Variants in NFE2 observed in about 807,000 individuals in gnomAD.
The protein encoded by NFE2 is nuclear factor, erythroid 2.
Under a neutral mutation model 25.8 loss-of-function variants are expected in NFE2, and 13 were observed. The observed-to-expected ratio is 0.50, with a 90% CI of 0.33 to 0.80. The LOEUF is 0.80. Among genes scored for constraint, NFE2 ranks in the 30% least tolerant of loss-of-function variants. NFE2 has a pLI of 0.02. For synonymous variants in NFE2, 204 were observed against 200.2 expected (o/e 1.02, Z -0.16); for missense variants, 382 against 478.9 (o/e 0.80, Z 1.89).
rs764750991 is a variant in NFE2 at position 54,293,365 on chromosome 12, C to G, written c.131G>C (p.Ser44Thr). 30 of 1,522,980 alleles carry G rather than the reference C, an allele frequency of 2.0e-5. No homozygotes were observed. Among genetic ancestry groups the G allele is most frequent in the Middle Eastern group, 1.8e-4 (1 of 5,616 alleles). The allele number at this position is 1,522,980 out of a possible 1,614,324, so 94.3% of individuals were successfully genotyped here. A position where few individuals can be genotyped will look rare whatever the true frequency, so the allele number is the denominator to read the frequency against. Residue 44 changes from serine to threonine, a missense_variant, in exon 3 of 3, where the codon AGT becomes ACT. Physicochemically the swap from Ser to Thr is moderately conservative, Grantham distance 58. Coordinates refer to ENST00000435572, the MANE Select transcript of NFE2 (RefSeq NM_001136023.3). ...GGCTTGGGGCTCAAATGATGGCTCA[C>G]TTGGAGCATTCAGACCCTGCAAGGA... ...ITELQGLNAP[S>T]EPSFEPQAPA... is the part of the protein sequence containing the mutation.
Position 54,299,762 on chromosome 12 carries a change from G to A in NFE2, c.-57+1039C>T, listed in dbSNP as rs368702407. Among the ~76,000 whole-genome samples, 7 of 152,202 alleles carry A rather than the reference G, an allele frequency of 4.6e-5. No individual in the cohort carries two copies. The South Asian group carries it at 1.0e-3, about 23-fold the overall frequency. ...TAACGAGGGGGAACGATGAGAGGGG[G>A]CTTGCCTCAGGATCCCTTTTCTGAG... is the stretch of plus-strand genomic sequence containing the variant. On this transcript the variant is annotated intron_variant, in intron 1 of 2. Transcript: ENST00000435572.
intron 1 of NFE2, among the ~76,000 whole-genome samples, chr12:54,297,356 CA>C (rs35611028): frequency 0.049 from 2,429 of 50,032 alleles, 29 homozygotes; most frequent in Middle Eastern, 0.11. Context: ...GACCCTGTCT[CA>C]AAAAAAAAAA....
At position 54,297,178 on chromosome 12, in the gene NFE2, A is replaced by G. The variant is rs570256150; in HGVS notation, c.-56-1874T>C. 3.3e-5 allele frequency among the ~76,000 whole-genome samples: 5 copies of G among 152,002 alleles called. No homozygotes were observed. In the South Asian group the frequency reaches 8.3e-4, roughly 25 times the overall value. The stretch of plus-strand genomic sequence containing the variant: ...GAGATCAGCCTGAGAAACACGGTGA[A>G]AACCCATCTCCACTAAAAATGCAGA... On this transcript the variant is annotated intron_variant, in intron 1 of 2. Coordinates refer to ENST00000435572, the MANE Select transcript of NFE2 (RefSeq NM_001136023.3).
At position 54,297,376 on chromosome 12, in the gene NFE2, A is replaced by C. The variant is rs1006360007; in HGVS notation, c.-56-2072T>G. On this transcript the variant is annotated intron_variant, in intron 1 of 2. Coordinates refer to ENST00000435572, the MANE Select transcript of NFE2 (RefSeq NM_001136023.3). ...TGTCTCAAAAAAAAAAAAAAAAAAA[A>C]AAAACGGCCAGGTGCAGTGGCTCAC... Among the ~76,000 whole-genome samples the C allele has an allele frequency of 2.0e-5, 3 of 150,282 alleles. No individual in the cohort carries two copies. In the East Asian group the frequency reaches 5.9e-4, roughly 29 times the overall value.
At chr12:54,297,589 C>T (rs1260997344) in intron 1 of NFE2, among the ~76,000 whole-genome samples, 1 of 145,612 alleles carries the variant, frequency 6.9e-6, no homozygotes, top group Non-Finnish European at 1.5e-5. Flanking sequence ...TTGCTTGAAC[C>T]CGGGAGGCGG....
intron 1 of NFE2, among the ~76,000 whole-genome samples, chr12:54,298,838 G>A (rs1361451405): frequency 6.6e-6 from 1 of 151,972 alleles, no homozygotes; most frequent in African/African-American, 2.4e-5. Flanking sequence ...ATCACCTGAG[G>A]TCAGGAATTT....
chr12:54,292,759 G>T lies in NFE2; in HGVS notation c.737C>A (p.Pro246Gln), dbSNP rs1187574732. 9.9e-6 allele frequency: 16 copies of T among 1,614,062 alleles called. No homozygotes were observed. Among genetic ancestry groups the T allele is most frequent in the Non-Finnish European group, 1.3e-5 (15 of 1,180,028 alleles). Residue 246 changes from proline to glutamine, a missense_variant, in exon 3 of 3, where the codon CCG (proline) becomes CAG (glutamine). By Grantham distance (76) the Pro-to-Gln change is moderately conservative. Coordinates refer to ENST00000435572, the MANE Select transcript of NFE2 (RefSeq NM_001136023.3). ...PFPTDKIVNL[P>Q]VDDFNELLAR... ...CAATAGCTCATTAAAGTCATCTACCGGCAAGTTGACAATCTTGTCCGTAGG... is the reference window on the plus strand; with the variant it reads ...CAATAGCTCATTAAAGTCATCTACCTGCAAGTTGACAATCTTGTCCGTAGG...
chr12:54,296,104 T>C (rs767037147), intron 1 of NFE2, among the ~76,000 whole-genome samples: 6 of 152,134 alleles, frequency 3.9e-5, no homozygotes, highest in Admixed American at 6.6e-5. Flanking sequence ...TATTGCAAGC[T>C]TAGTTTATAA....
intron 1 of NFE2, among the ~76,000 whole-genome samples, chr12:54,299,735 CT>C (rs1944405677): frequency 6.6e-6 from 1 of 152,074 alleles, no homozygotes; most frequent in Non-Finnish European, 1.5e-5. Context: ...TCTTAACTTC[CT>C]TAACGAGGGG....
At chr12:54,295,008 C>A in intron 2 of NFE2, 127 bp downstream of exon 2, 1 of 714,304 alleles carries the variant, frequency 1.4e-6, no homozygotes, top group Non-Finnish European at 2.4e-6. Context: ...CCCTTCCTTT[C>A]CCAGTGCCTG....
intron 2 of NFE2, 41 bp from the exon 3 acceptor site, chr12:54,293,422 G>A (rs1399512964): frequency 7.1e-7 from 1 of 1,408,364 alleles, no homozygotes; most frequent in South Asian, 1.9e-5. Flanking sequence ...ACAGACTAAG[G>A]AAGAGAAACC....
At chr12:54,297,610 G>A (rs1944384909) in intron 1 of NFE2, among the ~76,000 whole-genome samples, 1 of 136,014 alleles carries the variant, frequency 7.4e-6, no homozygotes, top group Non-Finnish European at 1.5e-5. Flanking sequence ...AGGTTGCAGT[G>A]AGCTAAGATC....
rs1043633154 is a variant in NFE2 at position 54,292,129 on chromosome 12, T to C, written c.*245A>G. On this transcript the variant is annotated 3_prime_UTR_variant, in exon 3 of 3. Coordinates refer to ENST00000435572, the MANE Select transcript of NFE2 (RefSeq NM_001136023.3). ...AAAGCCATTTCTGTAGCGCACTTTA[T>C]AGACCAAAGCTTAGACAAGGTGGAG... The C allele has an allele frequency of 1.3e-5, 7 of 537,542 alleles. No individual in the cohort carries two copies. Among genetic ancestry groups the C allele is most frequent in the Non-Finnish European group, 2.3e-5 (7 of 301,398 alleles). The allele number at this position is 537,542 out of a possible 1,614,324, so 33.3% of individuals were successfully genotyped here.
intron 2 of NFE2, among the ~76,000 whole-genome samples, chr12:54,294,740 GCT>G (rs952746723): frequency 6.6e-6 from 1 of 152,158 alleles, no homozygotes; most frequent in African/African-American, 2.4e-5. Flanking sequence ...CTGAACTACT[GCT>G]CTGTTACCTG....
At chr12:54,296,587 C>T (rs752352762) in intron 1 of NFE2, among the ~76,000 whole-genome samples, 1 of 152,174 alleles carries the variant, frequency 6.6e-6, no homozygotes, top group Admixed American at 6.5e-5. Flanking sequence ...CAAACCTCTA[C>T]TGGAAGTCTA....
At position 54,295,125 on chromosome 12, in the gene NFE2, C is replaced by G. The variant is rs766625848; in HGVS notation, c.114+10G>C. 18 of 1,610,594 alleles carry G rather than the reference C, an allele frequency of 1.1e-5. No homozygotes were observed. The East Asian group carries it at 1.3e-4, about 12-fold the overall frequency. ...ACACGGCCTCCCCTGCCCTATCCCC[C>G]CTTACTCACCTGCAGCTCGGTGATG... On this transcript the variant is annotated intron_variant, in intron 2 of 2. Transcript: ENST00000435572.
intron 1 of NFE2, among the ~76,000 whole-genome samples, chr12:54,298,359 T>C (rs1420956311): frequency 6.6e-6 from 1 of 151,686 alleles, no homozygotes; most frequent in Non-Finnish European, 1.5e-5. Context: ...AATACAAAAT[T>C]AGCCGGGCAT....
In NFE2 at chr12:54,292,249, G is replaced by T; in HGVS notation, c.*125C>A. On this transcript the variant is annotated 3_prime_UTR_variant, in exon 3 of 3. Coordinates refer to ENST00000435572, the MANE Select transcript of NFE2 (RefSeq NM_001136023.3). The stretch of plus-strand genomic sequence containing the variant: ...CACACCTTGGAACTTCCAAACACTT[G>T]TTGCCATTGTCATCCTCTTCTGGTC... 2.0e-6 allele frequency: 2 copies of T among 994,156 alleles called. No individual in the cohort carries two copies. The highest frequency in any genetic ancestry group is 2.9e-6 in the Non-Finnish European group (2 of 683,264). The allele number at this position is 994,156 out of a possible 1,614,324, so 61.6% of individuals were successfully genotyped here.
At chr12:54,299,993 C>T (rs1944408679) in intron 1 of NFE2, among the ~76,000 whole-genome samples, 1 of 152,102 alleles carries the variant, frequency 6.6e-6, no homozygotes, top group South Asian at 2.1e-4. Context: ...ATAGTGAGCT[C>T]AGTGCCCTAG....
Sources: gnomAD v4.1 joint callset for allele counts (sites outside exome capture counted in the v4.1 genomes callset) on GRCh38, gnomAD v4.1.1 for gene constraint, MANE v1.5 for transcripts, NCBI Gene and HGNC (gene_info 2026-07-23, HGNC 2026-07-21) for gene names.